Variants in FNBP1 observed in about 807,000 individuals in gnomAD.
FNBP1 encodes the protein formin binding protein 1.
FNBP1 carries 26 observed loss-of-function variants against 90.6 expected under a neutral mutation model. The ratio of observed to expected loss-of-function variants is 0.29; its 90% CI spans 0.21 to 0.40. FNBP1 has a LOEUF of 0.40. Among genes scored for constraint, FNBP1 ranks in the 10% least tolerant of loss-of-function variants. The pLI is 1.00. For synonymous variants in FNBP1, 260 were observed against 265.2 expected (o/e 0.98, Z 0.19); for missense variants, 635 against 768.0 (o/e 0.83, Z 2.05).
intron 11 of FNBP1, among the ~76,000 whole-genome samples, chr9:129,910,434 A>ATCGTGCC (rs2039027500): frequency 7.5e-6 from 1 of 133,412 alleles, no homozygotes; most frequent in Non-Finnish European, 1.5e-5. Context: ...GTGAGCCGAG[A>ATCGTGCC]TCGTGCCGCT....
rs2041674520 is a variant in FNBP1, at chr9:129,925,084, G to A, written c.863C>T (p.Thr288Ile). ...PPGDIEFEDYTQPMKRTVSDN... is the reference protein window; with the variant it reads ...PPGDIEFEDYIQPMKRTVSDN... Reference sequence around the variant, plus strand: ...TGACACAGTGCGCTTCATTGGCTGAGTGTAATCCTCAAATTCAATGTCTCC... The same window carrying A: ...TGACACAGTGCGCTTCATTGGCTGAATGTAATCCTCAAATTCAATGTCTCC... Residue 288 changes from threonine (T) to isoleucine (I), a missense_variant, in exon 9 of 17, where the codon ACT (threonine) becomes ATT (isoleucine). Coordinates refer to ENST00000446176, the MANE Select transcript of FNBP1 (RefSeq NM_015033.3). 1.9e-6 allele frequency: 3 copies of A among 1,613,862 alleles called. No homozygotes were observed. Among genetic ancestry groups the A allele is most frequent in the African/African-American group, 1.3e-5 (1 of 75,040 alleles).
Position 129,994,949 on chromosome 9 carries a change from C to T in FNBP1, c.34G>A (p.Asp12Asn). Reference sequence around the variant, plus strand: ...CACTGTGTGTGTTTTTCTAAGTTGTCAAACTGATCCTGTTGAAACAAACCA... The same window carrying T: ...CACTGTGTGTGTTTTTCTAAGTTGTTAAACTGATCCTGTTGAAACAAACCA... ...SWGTELWDQFDNLEKHTQWGI... is the reference protein window; with the variant it reads ...SWGTELWDQFNNLEKHTQWGI... Residue 12 changes from aspartate to asparagine, a missense_variant, in exon 2 of 17, where the codon GAC (aspartate) becomes AAC (asparagine). Coordinates refer to ENST00000446176, the MANE Select transcript of FNBP1 (RefSeq NM_015033.3). The T allele has an allele frequency of 6.6e-7, 1 of 1,519,150 alleles. No individual in the cohort carries two copies. The highest frequency in any genetic ancestry group is 9.1e-7 in the Non-Finnish European group (1 of 1,097,458). The allele number at this position is 1,519,150 out of a possible 1,614,324, so 94.1% of individuals were successfully genotyped here. A position where few individuals can be genotyped will look rare whatever the true frequency, so the allele number is the denominator to read the frequency against.
At chr9:129,969,753 TA>T (rs567360200) in intron 4 of FNBP1, among the ~76,000 whole-genome samples, 2,640 of 151,608 alleles carry the variant, frequency 0.017, 28 homozygotes, top group African/African-American at 0.021. Flanking sequence ...TAAAAAAAAT[TA>T]AAAAAAAATT....
At position 129,979,388 on chromosome 9, in the gene FNBP1, G is replaced by A; in HGVS notation, c.141-14C>T. On this transcript the variant is annotated splice_polypyrimidine_tract_variant and intron_variant, in intron 2 of 16. Coordinates refer to ENST00000446176, the MANE Select transcript of FNBP1 (RefSeq NM_015033.3). ...TTTGAAAGATTCCTGAAATAAAAAT[G>A]CAGACATGTCAGCTTTATATAGAAA... 6.4e-7 allele frequency: 1 copy of A among 1,574,674 alleles called. No individual in the cohort carries two copies. Among genetic ancestry groups the A allele is most frequent in the South Asian group, 1.1e-5 (1 of 89,896 alleles).
chr9:130,052,906 G>C, the FNBP1 span, among the ~76,000 whole-genome samples: 1 of 151,948 alleles, frequency 6.6e-6, no homozygotes, highest in Non-Finnish European at 1.5e-5. Flanking sequence ...CTTGAGGTCA[G>C]GAGTTCGAGA....
At chr9:129,968,457 ACTC>A (rs938256685) in intron 4 of FNBP1, among the ~76,000 whole-genome samples, 4 of 151,656 alleles carry the variant, frequency 2.6e-5, no homozygotes, top group Admixed American at 6.6e-5. Context: ...ATATACATAA[ACTC>A]CTTTTAGTTT....
chr9:130,049,118 G>T, the FNBP1 span, among the ~76,000 whole-genome samples: 4 of 151,984 alleles, frequency 2.6e-5, no homozygotes, highest in Non-Finnish European at 5.9e-5. Context: ...GCCATGCACA[G>T]TGGCTCATGC....
At chr9:129,958,582 A>T in intron 4 of FNBP1, 29 bp from the exon 5 acceptor site, 1 of 1,558,818 alleles carries the variant, frequency 6.4e-7, no homozygotes, top group Non-Finnish European at 8.7e-7. Context: ...ACTGGTGATT[A>T]GTACCCTCTG....
chr9:130,011,829 T>G (rs532803925), intron 1 of FNBP1, among the ~76,000 whole-genome samples: 1 of 152,202 alleles, frequency 6.6e-6, no homozygotes, highest in Non-Finnish European at 1.5e-5. Flanking sequence ...ATTATAGATA[T>G]ATCAATCCTC....
intron 8 of FNBP1, among the ~76,000 whole-genome samples, chr9:129,926,164 G>C (rs188868628): frequency 2.4e-4 from 36 of 151,872 alleles, no homozygotes; most frequent in African/African-American, 8.5e-4. Context: ...TAGAGATGTG[G>C]TTTCACCATG....
At chr9:129,947,969 G>T (rs1193864859) in intron 6 of FNBP1, among the ~76,000 whole-genome samples, 1 of 144,954 alleles carries the variant, frequency 6.9e-6, no homozygotes, top group Non-Finnish European at 1.5e-5. Context: ...AATTCTACTA[G>T]AATTCCCTTA....
chr9:129,903,804 T>C lies in FNBP1; in HGVS notation c.1296-803A>G, dbSNP rs2037431787. Among the ~76,000 whole-genome samples the C allele has an allele frequency of 2.0e-5, 3 of 152,126 alleles. No individual in the cohort carries two copies. The South Asian group carries it at 6.2e-4, about 31-fold the overall frequency. ...CCTCGGCCTCCCAAAGTGCTGGGAT[T>C]ACAGGCATGAGCCACCGAATCTGGC... On this transcript the variant is annotated intron_variant, in intron 12 of 16. Coordinates refer to ENST00000446176, the MANE Select transcript of FNBP1 (RefSeq NM_015033.3).
chr9:130,016,174 C>T (rs1179936036), intron 1 of FNBP1, among the ~76,000 whole-genome samples: 1 of 151,954 alleles, frequency 6.6e-6, no homozygotes, highest in African/African-American at 2.4e-5. Context: ...ATGTTTATGC[C>T]TCCCTTTCCC....
chr9:129,896,985 C>G (rs978899882), intron 15 of FNBP1, among the ~76,000 whole-genome samples: 5 of 152,230 alleles, frequency 3.3e-5, no homozygotes, highest in Non-Finnish European at 7.3e-5. Flanking sequence ...CTGGTACTTT[C>G]TGCAGCCAAG....
chr9:130,026,896 G>A (rs560952870), intron 1 of FNBP1, among the ~76,000 whole-genome samples: 38 of 151,660 alleles, frequency 2.5e-4, no homozygotes, highest in Non-Finnish European at 4.1e-4. Flanking sequence ...AGCCCAGGAG[G>A]TGGAGGTTAG....
chr9:129,912,134 C>T (rs2039407130), intron 11 of FNBP1, among the ~76,000 whole-genome samples: 1 of 151,988 alleles, frequency 6.6e-6, no homozygotes, highest in East Asian at 1.9e-4. Context: ...GCCCTCAACC[C>T]CCAGGATCAG....
At chr9:129,992,988 A>G (rs1449527631) in intron 2 of FNBP1, among the ~76,000 whole-genome samples, 2 of 151,044 alleles carry the variant, frequency 1.3e-5, no homozygotes, top group African/African-American at 4.8e-5. Context: ...GCACTTTGGG[A>G]GACCGAGGCA....
rs538792183 is a variant in FNBP1 at position 129,961,253 on chromosome 9, G to A, written c.346-2700C>T. ...ACTTGAACTGGGAGGCGGAGGTTGC[G>A]GTGAGCCGAGATAGTACCATTGTAC... On this transcript the variant is annotated intron_variant, in intron 4 of 16. Transcript: ENST00000446176. Among the ~76,000 whole-genome samples, 12 of 151,786 alleles carry A rather than the reference G, an allele frequency of 7.9e-5. No individual in the cohort carries two copies. The South Asian group carries it at 2.1e-3, about 26-fold the overall frequency.
At chr9:130,005,693 G>C (rs1286626022) in intron 1 of FNBP1, among the ~76,000 whole-genome samples, 1 of 152,280 alleles carries the variant, frequency 6.6e-6, no homozygotes, top group African/African-American at 2.4e-5. Context: ...CAACCTAAAA[G>C]TGATGAAAAA....
Sources: gnomAD v4.1 joint callset for allele counts (sites outside exome capture counted in the v4.1 genomes callset) on GRCh38, gnomAD v4.1.1 for gene constraint, MANE v1.5 for transcripts, NCBI Gene and HGNC (gene_info 2026-07-23, HGNC 2026-07-21) for gene names.